The following PSPC1 variants were observed in gnomAD, a reference collection of about 807,000 sequenced individuals.
PSPC1 encodes the protein paraspeckle component 1, also known as paraspeckle protein 1.
In PSPC1, 14 loss-of-function variants were observed where a neutral mutation model predicts 51.6. The ratio of observed to expected loss-of-function variants is 0.27; its 90% confidence interval spans 0.18 to 0.42. The LOEUF (loss-of-function observed/expected upper bound fraction) is 0.42. Ranked by LOEUF, PSPC1 falls within the 10% of genes least tolerant of loss-of-function variation. The pLI is 1.00. For missense variants in PSPC1, 406 were observed against 701.1 expected (o/e 0.58, Z 4.75); for synonymous variants, 193 against 231.9 (o/e 0.83, Z 1.53).
chr13:19,752,578 T>A (rs553333029), intron 3 of PSPC1, among the ~76,000 whole-genome samples: 21 of 151,602 alleles, frequency 1.4e-4, no homozygotes, highest in Admixed American at 2.6e-4. Flanking sequence ...TTTTTCACTT[T>A]TTTATTTATT....
chr13:19,726,163 T>C (rs1304929701), intron 6 of PSPC1, among the ~76,000 whole-genome samples: 1 of 152,018 alleles, frequency 6.6e-6, no homozygotes, highest in Non-Finnish European at 1.5e-5. Context: ...CAAGATACCA[T>C]CAATAAATAA....
Position 19,772,446 on chromosome 13 carries a change from G to C in PSPC1, c.470C>G (p.Ala157Gly). 1 of 1,614,236 alleles carries C rather than the reference G, an allele frequency of 6.2e-7. No individual in the cohort carries two copies. Among genetic ancestry groups the C allele is most frequent in the South Asian group, 1.1e-5 (1 of 91,086 alleles). The stretch of plus-strand genomic sequence containing the variant: ...TGGAGAAAGGTTCTTGACAGTCAAG[G>C]CTGCTCCATGTGTAGCGAAGCGAAT... ...LRIRFATHGA[A>G]LTVKNLSPVV... The change falls in exon 2 of 9, where the codon GCC (alanine) becomes GGC (glycine). Residue 157 changes from alanine to glycine, a missense_variant. Coordinates refer to ENST00000338910, the MANE Select transcript of PSPC1 (RefSeq NM_001354909.2).
chr13:19,684,266 G>A (rs1196515607), intron 6 of PSPC1, among the ~76,000 whole-genome samples: 1 of 152,086 alleles, frequency 6.6e-6, no homozygotes, highest in Non-Finnish European at 1.5e-5. Flanking sequence ...AACTACCATT[G>A]ATCACTGCAT....
intron 7 of PSPC1, among the ~76,000 whole-genome samples, chr13:19,707,154 A>C (rs999313344): frequency 5.3e-5 from 8 of 152,130 alleles, no homozygotes; most frequent in Non-Finnish European, 8.8e-5. Context: ...TAATTTTACA[A>C]TGGTGGGTTC....
downstream of PSPC1, among the ~76,000 whole-genome samples, chr13:19,700,622 A>C (rs1001923920): frequency 6.6e-6 from 1 of 152,142 alleles, no homozygotes; most frequent in South Asian, 2.1e-4. Context: ...TAAAACTATT[A>C]GGAAAACAGG....
At chr13:19,736,849 T>C (rs950817888) in intron 5 of PSPC1, 1 of 152,202 alleles carries the variant, frequency 6.6e-6, no homozygotes, top group Non-Finnish European at 1.5e-5. Flanking sequence ...GAATGAATAC[T>C]GGCACAATAT....
At chr13:19,777,652 A>G (rs548227524) in intron 1 of PSPC1, among the ~76,000 whole-genome samples, 2 of 151,994 alleles carry the variant, frequency 1.3e-5, no homozygotes, top group East Asian at 3.9e-4. Flanking sequence ...TGTTTGCCCT[A>G]AAAAATACAG....
chr13:19,727,976 G>T (rs998394937), intron 6 of PSPC1, among the ~76,000 whole-genome samples: 3 of 152,208 alleles, frequency 2.0e-5, no homozygotes, highest in African/African-American at 7.2e-5. Context: ...TTAATTTATA[G>T]TTACAACAGT....
At chr13:19,687,420 A>G (rs1878034685) in intron 6 of PSPC1, among the ~76,000 whole-genome samples, 1 of 152,084 alleles carries the variant, frequency 6.6e-6, no homozygotes, top group South Asian at 2.1e-4. Flanking sequence ...CCTAACCTAT[A>G]TACATTTGAC....
intron 1 of PSPC1, among the ~76,000 whole-genome samples, chr13:19,779,668 G>T (rs1477128158): frequency 1.3e-4 from 9 of 66,730 alleles, no homozygotes; most frequent in Middle Eastern, 0.014. Context: ...CAGCCGCCCC[G>T]TCCGGGAGGG....
chr13:19,714,474 T>C (rs1285182673), intron 6 of PSPC1, among the ~76,000 whole-genome samples: 1 of 151,760 alleles, frequency 6.6e-6, no homozygotes, highest in African/African-American at 2.4e-5. Flanking sequence ...CATTCAAAAT[T>C]CAAAGCAGCC....
chr13:19,710,086 T>C (rs1360781564), intron 6 of PSPC1, among the ~76,000 whole-genome samples: 1 of 152,104 alleles, frequency 6.6e-6, no homozygotes, highest in Admixed American at 6.6e-5. Flanking sequence ...ACAATCTTCA[T>C]TGTCTAAATA....
chr13:19,723,220 A>G (rs1882982693), intron 6 of PSPC1, among the ~76,000 whole-genome samples: 1 of 152,244 alleles, frequency 6.6e-6, no homozygotes, highest in Non-Finnish European at 1.5e-5. Context: ...CCAAAAGGAA[A>G]AAAGAAAACA....
chr13:19,683,455 A>G (rs1877512065), intron 6 of PSPC1, among the ~76,000 whole-genome samples: 1 of 152,220 alleles, frequency 6.6e-6, no homozygotes, highest in Non-Finnish European at 1.5e-5. Flanking sequence ...TGAAATTCAA[A>G]AACAGATTTA....
chr13:19,735,478 G>A (rs1254896041), intron 5 of PSPC1, among the ~76,000 whole-genome samples: 1 of 152,136 alleles, frequency 6.6e-6, no homozygotes, highest in Non-Finnish European at 1.5e-5. Flanking sequence ...TTTGGTACCT[G>A]CCACAACCTC....
intron 6 of PSPC1, among the ~76,000 whole-genome samples, chr13:19,726,702 G>A (rs1389516279): frequency 6.6e-6 from 1 of 152,120 alleles, no homozygotes; most frequent in Non-Finnish European, 1.5e-5. Flanking sequence ...CCCAGCCTGG[G>A]CAACATATCA....
intron 6 of PSPC1, among the ~76,000 whole-genome samples, chr13:19,724,293 C>A (rs573564777): frequency 3.9e-5 from 6 of 152,286 alleles, no homozygotes; most frequent in African/African-American, 1.4e-4. Context: ...CAGGATCACT[C>A]TTCTCTGACA....
chr13:19,729,536 C>CAAA (rs551133605), intron 6 of PSPC1, among the ~76,000 whole-genome samples: 21 of 95,286 alleles, frequency 2.2e-4, no homozygotes, highest in Middle Eastern at 0.012. Flanking sequence ...GATTCCGTCT[C>CAAA]AAAAAAAAAA....
At chr13:19,706,746 A>C (rs1463152836) in intron 7 of PSPC1, among the ~76,000 whole-genome samples, 2 of 152,192 alleles carry the variant, frequency 1.3e-5, no homozygotes, top group African/African-American at 4.8e-5. Context: ...ATTCTAATTT[A>C]GAGTTTTCTT....
Sources: gnomAD v4.1 joint callset for allele counts (sites outside exome capture counted in the v4.1 genomes callset) on GRCh38, gnomAD v4.1.1 for gene constraint, MANE v1.5 for transcripts, NCBI Gene and HGNC (gene_info 2026-07-23, HGNC 2026-07-21) for gene names.